The following GFRAL variants were observed in gnomAD, a reference collection of about 807,000 sequenced individuals.
The protein encoded by GFRAL is GDNF family receptor alpha-like.
A neutral mutation model predicts 45.4 loss-of-function variants in GFRAL; 36 were observed. The observed-to-expected ratio is 0.79, with a 90% CI of 0.61 to 1.05. The LOEUF is 1.05. Ranked by LOEUF, GFRAL falls within the 50% of genes least tolerant of loss-of-function variation. The pLI, the probability that GFRAL is intolerant of heterozygous loss-of-function variation, is 0.00. For synonymous variants in GFRAL, 166 were observed against 154.1 expected (o/e 1.08, Z -0.57); for missense variants, 507 against 467.5 (o/e 1.08, Z -0.78).
intron 6 of GFRAL, among the ~76,000 whole-genome samples, chr6:55,365,015 T>C (rs1419533734): frequency 6.7e-6 from 1 of 149,416 alleles, no homozygotes; most frequent in Admixed American, 6.6e-5. Context: ...ATTGAATCTG[T>C]AAATTACCTT....
intron 6 of GFRAL, among the ~76,000 whole-genome samples, chr6:55,395,949 A>G (rs1768819575): frequency 6.6e-6 from 1 of 152,094 alleles, no homozygotes. Flanking sequence ...TAATTTCTCC[A>G]GGGTACAAGT....
chr6:55,339,871 C>T (rs1187097652), intron 3 of GFRAL, among the ~76,000 whole-genome samples: 1 of 152,122 alleles, frequency 6.6e-6, no homozygotes, highest in African/African-American at 2.4e-5. Context: ...ATCAACAGAA[C>T]TATACATATT....
rs1188664287 is a variant in GFRAL, at chr6:55,368,121, C to T, written c.952+8983C>T. On this transcript the variant is annotated intron_variant, in intron 6 of 8. Coordinates refer to ENST00000340465, the MANE Select transcript of GFRAL (RefSeq NM_207410.2). ...GGTCTTTTCACATAGTCCCATATTT[C>T]TTGGAGGCTTTGCTCATTTCTTTTT... is the stretch of plus-strand genomic sequence containing the variant. Among the ~76,000 whole-genome samples the T allele has an allele frequency of 2.0e-5, 3 of 150,182 alleles. No homozygotes were observed. In the South Asian group the frequency reaches 6.4e-4, roughly 32 times the overall value.
intron 6 of GFRAL, among the ~76,000 whole-genome samples, chr6:55,376,482 T>C (rs1300169522): frequency 2.0e-5 from 3 of 151,484 alleles, no homozygotes; most frequent in African/African-American, 4.8e-5. Context: ...GTTAATACCA[T>C]CTTGCTTGGT....
intron 6 of GFRAL, among the ~76,000 whole-genome samples, chr6:55,385,552 T>C (rs1768668250): frequency 6.6e-6 from 1 of 152,058 alleles, no homozygotes; most frequent in African/African-American, 2.4e-5. Flanking sequence ...TAGTAACTTG[T>C]CCAAGTCACA....
chr6:55,393,414 C>T (rs1374088602), intron 6 of GFRAL, among the ~76,000 whole-genome samples: 1 of 152,074 alleles, frequency 6.6e-6, no homozygotes, highest in East Asian at 1.9e-4. Flanking sequence ...AAAACTCTGC[C>T]TCTTCTAAAA....
intron 5 of GFRAL, among the ~76,000 whole-genome samples, chr6:55,358,324 A>G (rs1394742804): frequency 6.6e-6 from 1 of 151,998 alleles, no homozygotes; most frequent in Admixed American, 6.6e-5. Context: ...AAATGAAATT[A>G]GTGTACATTA....
chr6:55,392,740 A>T, intron 6 of GFRAL, among the ~76,000 whole-genome samples: 1 of 152,060 alleles, frequency 6.6e-6, no homozygotes, highest in East Asian at 1.9e-4. Context: ...GGAGGGTGGG[A>T]GGAGGGAGAG....
chr6:55,392,719 T>C (rs1227901058), intron 6 of GFRAL, among the ~76,000 whole-genome samples: 1 of 151,944 alleles, frequency 6.6e-6, no homozygotes, highest in Non-Finnish European at 1.5e-5. Flanking sequence ...CTTGGGGGCC[T>C]GCTAGAGGGT....
intron 3 of GFRAL, among the ~76,000 whole-genome samples, chr6:55,340,672 G>C (rs530318050): frequency 1.3e-5 from 2 of 152,264 alleles, no homozygotes; most frequent in South Asian, 4.1e-4. Context: ...GTCAGACAGT[G>C]GGGGCAGGAT....
intron 3 of GFRAL, among the ~76,000 whole-genome samples, chr6:55,340,986 G>T (rs1767956930): frequency 6.6e-6 from 1 of 152,212 alleles, no homozygotes; most frequent in Non-Finnish European, 1.5e-5. Flanking sequence ...AGGGACGCCT[G>T]TCATTGCTGA....
chr6:55,379,349 G>A (rs1768575739), intron 6 of GFRAL, among the ~76,000 whole-genome samples: 1 of 151,666 alleles, frequency 6.6e-6, no homozygotes, highest in South Asian at 2.1e-4. Flanking sequence ...AGTGTCTGTT[G>A]TTTCCTTCTT....
At chr6:55,380,229 A>G (rs1334688849) in intron 6 of GFRAL, among the ~76,000 whole-genome samples, 2 of 151,904 alleles carry the variant, frequency 1.3e-5, no homozygotes, top group African/African-American at 2.4e-5. Flanking sequence ...GCCCTAATTT[A>G]TTTCCACCAA....
Position 55,401,659 on chromosome 6 carries a change from A to G in GFRAL, c.1122-131A>G, listed in dbSNP as rs556754416. 2.2e-5 allele frequency: 15 copies of G among 668,412 alleles called. No homozygotes were observed. In the African/African-American group the frequency reaches 2.6e-4, roughly 12 times the overall value. The allele number at this position is 668,412 out of a possible 1,614,324, so 41.4% of individuals were successfully genotyped here. ...GAAAATATGATATTTTACTATTGGG[A>G]CTTTACATTCTGGAACTTGATTAGT... On this transcript the variant is annotated intron_variant, in intron 8 of 8. Coordinates refer to ENST00000340465, the MANE Select transcript of GFRAL (RefSeq NM_207410.2).
intron 6 of GFRAL, among the ~76,000 whole-genome samples, chr6:55,390,544 G>A (rs1283654654): frequency 1.3e-5 from 2 of 152,118 alleles, no homozygotes; most frequent in Non-Finnish European, 2.9e-5. Flanking sequence ...ACAAATGCAA[G>A]TCAAAGTGAG....
intron 8 of GFRAL, among the ~76,000 whole-genome samples, 178 bp downstream of exon 8, chr6:55,399,619 A>G (rs1768870394): frequency 1.3e-5 from 2 of 152,164 alleles, no homozygotes; most frequent in African/African-American, 2.4e-5. Flanking sequence ...CAGTCTTCCT[A>G]CATAAGGAAA....
chr6:55,363,504 G>A (rs1197270254), intron 6 of GFRAL, among the ~76,000 whole-genome samples: 1 of 148,936 alleles, frequency 6.7e-6, no homozygotes, highest in East Asian at 2.0e-4. Flanking sequence ...AGTTACATAT[G>A]TATACATGTG....
At chr6:55,379,207 T>C (rs375182164) in intron 6 of GFRAL, among the ~76,000 whole-genome samples, 24 of 152,092 alleles carry the variant, frequency 1.6e-4, no homozygotes, top group African/African-American at 4.8e-4. Flanking sequence ...TGAAGGTTTG[T>C]TACGTAGGTA....
chr6:55,352,543 G>A (rs1455551059), intron 5 of GFRAL, among the ~76,000 whole-genome samples: 1 of 152,054 alleles, frequency 6.6e-6, no homozygotes, highest in African/African-American at 2.4e-5. Context: ...CTCTCTTTAT[G>A]GCCACAGAGT....
Sources: gnomAD v4.1 joint callset for allele counts (sites outside exome capture counted in the v4.1 genomes callset) on GRCh38, gnomAD v4.1.1 for gene constraint, MANE v1.5 for transcripts, NCBI Gene and HGNC (gene_info 2026-07-23, HGNC 2026-07-21) for gene names.